Variants in TNNI1 observed in about 807,000 individuals in gnomAD.
TNNI1 encodes troponin I1, slow skeletal type, also known as troponin I, slow skeletal muscle.
In TNNI1, 14 loss-of-function variants were observed where a neutral mutation model predicts 26.7. The ratio of observed to expected loss-of-function variants is 0.52; its 90% CI spans 0.35 to 0.82. The LOEUF is 0.82. TNNI1 is among the 40% of genes least tolerant of loss of function. TNNI1 has a pLI of 0.01. For missense variants in TNNI1, 164 were observed against 257.0 expected (o/e 0.64, Z 2.47); for synonymous variants, 79 against 98.2 (o/e 0.80, Z 1.16).
intron 1 of TNNI1, among the ~76,000 whole-genome samples, chr1:201,419,415 T>A (rs565558152): frequency 7.9e-5 from 12 of 151,998 alleles, no homozygotes; most frequent in Admixed American, 7.2e-4. Context: ...ACAGCTGAGG[T>A]GGAGAGCAGG....
At chr1:201,412,868 C>T (rs564460658) in intron 6 of TNNI1, among the ~76,000 whole-genome samples, 164 bp downstream of exon 6, 31 of 152,340 alleles carry the variant, frequency 2.0e-4, no homozygotes, top group African/African-American at 7.5e-4. Context: ...CCACTCTACC[C>T]ATCTCCAGCC....
At chr1:201,416,864 A>G (rs540692728) in intron 3 of TNNI1, among the ~76,000 whole-genome samples, 43 of 152,254 alleles carry the variant, frequency 2.8e-4, no homozygotes, top group Non-Finnish European at 4.9e-4. Context: ...CCCTGCTGCA[A>G]TACCAGTCCT....
At chr1:201,415,151 T>C (rs1662711510) in intron 4 of TNNI1, 62 bp downstream of exon 4, 2 of 1,426,696 alleles carry the variant, frequency 1.4e-6, no homozygotes, top group Admixed American at 3.4e-5. Context: ...CCCTTCAGAG[T>C]CTGCTCTGCT....
intron 1 of TNNI1, among the ~76,000 whole-genome samples, chr1:201,420,383 C>T (rs1662832518): frequency 6.6e-6 from 1 of 152,150 alleles, no homozygotes; most frequent in Admixed American, 6.5e-5. Flanking sequence ...AGCCAGGATT[C>T]CATCTCCTCT....
chr1:201,413,110 C>T lies in TNNI1; in HGVS notation c.201G>A (p.Arg67=). The part of the protein sequence containing the change: ...LSLSALQDLC[R]ELHAKVEVVD... ...CCACCTCCACCTTGGCGTGCAGCTC[C>T]CGGCACAGGTCCTGGGGGCCGCAGA... The change falls in exon 6 of 9, where the codon CGG becomes CGA. Residue 67 remains arginine (R), a synonymous_variant. Coordinates refer to ENST00000361379, the MANE Select transcript of TNNI1 (RefSeq NM_003281.4). The T allele has an allele frequency of 6.2e-7, 1 of 1,614,066 alleles. No homozygotes were observed. The highest frequency in any genetic ancestry group is 1.1e-5 in the South Asian group (1 of 91,084).
intron 8 of TNNI1, 74 bp downstream of exon 8, chr1:201,410,252 C>T: frequency 1.5e-6 from 2 of 1,349,580 alleles, no homozygotes; most frequent in Non-Finnish European, 2.1e-6. Flanking sequence ...TACAACCCGC[C>T]TGCCCATTGT....
At position 201,408,011 on chromosome 1, in the gene TNNI1, C is replaced by G. The variant is rs1571732807; in HGVS notation, c.*1242G>C. On this transcript the variant is annotated 3_prime_UTR_variant, in exon 9 of 9. Coordinates refer to ENST00000361379, the MANE Select transcript of TNNI1 (RefSeq NM_003281.4). Reference sequence around the variant, plus strand: ...TGAGTCGAGATCGCGTCACTGCACTCCAGCCTGGGTGACACAGCGAGACTC... The same window carrying G: ...TGAGTCGAGATCGCGTCACTGCACTGCAGCCTGGGTGACACAGCGAGACTC... The G allele has an allele frequency of 6.6e-6, 1 of 150,616 alleles. No individual in the cohort carries two copies. Among genetic ancestry groups the G allele is most frequent in the South Asian group, 2.1e-4 (1 of 4,684 alleles). The allele number at this position is 150,616 out of a possible 1,614,324, so 9.3% of individuals were successfully genotyped here.
At chr1:201,417,197 A>G in intron 2 of TNNI1, 78 bp from the exon 3 acceptor site, 2 of 1,598,410 alleles carry the variant, frequency 1.3e-6, no homozygotes, top group Non-Finnish European at 1.7e-6. Flanking sequence ...TTACATGTGC[A>G]GTCGCAGAAC....
rs995376756 is a variant in TNNI1 at position 201,405,312 on chromosome 1, C to T, written c.*3941G>A. On this transcript the variant is annotated 3_prime_UTR_variant, in exon 9 of 9. Coordinates refer to ENST00000361379, the MANE Select transcript of TNNI1 (RefSeq NM_003281.4). Reference sequence around the variant, plus strand: ...CTGCTCAGCCTTCGTCTCAGGGGACCCACAAGCCAGCCTAGAAGTGTGTCT... The same window carrying T: ...CTGCTCAGCCTTCGTCTCAGGGGACTCACAAGCCAGCCTAGAAGTGTGTCT... 6 of 152,698 alleles carry T rather than the reference C, an allele frequency of 3.9e-5. No homozygotes were observed. The highest frequency in any genetic ancestry group is 1.2e-4 in the African/African-American group (5 of 41,446). 9.5% of individuals were successfully genotyped at this position (152,698 alleles called of 1,614,324 possible). A position where few individuals can be genotyped will look rare whatever the true frequency, so the allele number is the denominator to read the frequency against.
chr1:201,417,160 A>G lies in TNNI1; in HGVS notation c.12-41T>C. ...ACAGGAAGGACGGGGAAAGAGCAGA[A>G]CACAGAGTGAGTATGAACAATGAGG... On this transcript the variant is annotated intron_variant, in intron 2 of 8. Transcript: ENST00000361379. The G allele has an allele frequency of 3.1e-6, 5 of 1,613,898 alleles. No individual in the cohort carries two copies. The South Asian group carries it at 4.4e-5, about 14-fold the overall frequency.
chr1:201,416,373 C>T (rs866482839), intron 3 of TNNI1, among the ~76,000 whole-genome samples: 45 of 152,352 alleles, frequency 3.0e-4, no homozygotes, highest in African/African-American at 1.0e-3. Flanking sequence ...CCTCATTTGA[C>T]CATCAGTCAG....
At chr1:201,412,768 G>A (rs1571735629) in intron 6 of TNNI1, among the ~76,000 whole-genome samples, 1 of 152,248 alleles carries the variant, frequency 6.6e-6, no homozygotes, top group African/African-American at 2.4e-5. Context: ...ATGATTATTT[G>A]TGTGGGTGGA....
chr1:201,415,902 G>C (rs771756122), intron 3 of TNNI1, among the ~76,000 whole-genome samples: 1 of 152,118 alleles, frequency 6.6e-6, no homozygotes, highest in African/African-American at 2.4e-5. Flanking sequence ...GTCCCTCAGG[G>C]TTGGCAAAGG....
intron 2 of TNNI1, 22 bp from the exon 3 acceptor site, chr1:201,417,141 A>G (rs752196149): frequency 1.9e-6 from 3 of 1,614,112 alleles, no homozygotes; most frequent in Non-Finnish European, 8.5e-7. Context: ...CATCACAGGA[A>G]GGACGGGGAA....
intron 5 of TNNI1, among the ~76,000 whole-genome samples, chr1:201,414,226 G>C (rs912544825): frequency 2.6e-5 from 4 of 152,114 alleles, no homozygotes; most frequent in Non-Finnish European, 5.9e-5. Context: ...TCCCAACCCC[G>C]GCCGCCTCCC....
chr1:201,414,027 C>CA (rs1250375883), intron 5 of TNNI1, among the ~76,000 whole-genome samples: 1 of 152,150 alleles, frequency 6.6e-6, no homozygotes, highest in Non-Finnish European at 1.5e-5. Context: ...ATGTATTAAA[C>CA]AAAAATAATA....
chr1:201,421,412 C>T (rs3767551), intron 1 of TNNI1, among the ~76,000 whole-genome samples: 19,138 of 152,140 alleles, frequency 0.13, 1,631 homozygotes, highest in South Asian at 0.28. Flanking sequence ...AGGAACCTCA[C>T]GGAAGATTCT....
chr1:201,418,055 T>C (rs1289863431), intron 1 of TNNI1, among the ~76,000 whole-genome samples: 1 of 151,846 alleles, frequency 6.6e-6, no homozygotes, highest in East Asian at 1.9e-4. Context: ...TTTTTTTTTT[T>C]TTTTTTTTTT....
Position 201,411,181 on chromosome 1 carries a change from C to A in TNNI1, c.456+176G>T, listed in dbSNP as rs1662628087. Reference sequence around the variant, plus strand: ...CTGGGAACAGCCTGAAGGAAGGGAGCAAATCTTCTTTCTTTCTTCCCACAC... The same window carrying A: ...CTGGGAACAGCCTGAAGGAAGGGAGAAAATCTTCTTTCTTTCTTCCCACAC... On this transcript the variant is annotated intron_variant, in intron 7 of 8. Coordinates refer to ENST00000361379, the MANE Select transcript of TNNI1 (RefSeq NM_003281.4). This position sits in a 1 kb window ranked among gnomAD's most constrained non-coding sequence, Gnocchi z 4.6. 6.6e-6 allele frequency among the ~76,000 whole-genome samples: 1 copy of A among 152,194 alleles called. No homozygotes were observed. The highest frequency in any genetic ancestry group is 2.1e-4 in the South Asian group (1 of 4,822).
Sources: gnomAD v4.1 joint callset for allele counts (sites outside exome capture counted in the v4.1 genomes callset) on GRCh38, gnomAD v4.1.1 for gene constraint, Gnocchi (gnomAD v3.1) non-coding constraint, MANE v1.5 for transcripts, NCBI Gene and HGNC (gene_info 2026-07-23, HGNC 2026-07-21) for gene names.